The following AFDN variants were observed in gnomAD, a reference collection of about 807,000 sequenced individuals.
The protein encoded by AFDN is afadin.
A neutral mutation model predicts 216.6 loss-of-function variants in AFDN; 68 were observed. The observed-to-expected ratio is 0.31, with a 90% CI of 0.26 to 0.38. The LOEUF (loss-of-function observed/expected upper bound fraction) is 0.38, where lower values mean the gene tolerates loss of function less well. AFDN is among the 10% of genes least tolerant of loss of function. The probability of loss-of-function intolerance (pLI) is 1.00; values close to 1 mark genes in which losing one functional copy is unlikely to be tolerated. For missense variants in AFDN, 2,136 were observed against 2,342.0 expected (o/e 0.91, Z 1.82); for synonymous variants, 868 against 853.7 (o/e 1.02, Z -0.29).
chr6:167,842,515 T>G (rs1350779608), intron 1 of AFDN, among the ~76,000 whole-genome samples: 1 of 148,846 alleles, frequency 6.7e-6, no homozygotes, highest in Admixed American at 6.8e-5. Flanking sequence ...TGTATGCTTA[T>G]TTAGATATTT....
chr6:167,912,599 A>G (rs1392789181), intron 15 of AFDN, among the ~76,000 whole-genome samples: 1 of 152,214 alleles, frequency 6.6e-6, no homozygotes, highest in Non-Finnish European at 1.5e-5. Flanking sequence ...TCATTATTTT[A>G]TAAACAAACA....
At chr6:167,927,423 A>T (rs1053221000) in intron 23 of AFDN, among the ~76,000 whole-genome samples, 1 of 152,174 alleles carries the variant, frequency 6.6e-6, no homozygotes, top group African/African-American at 2.4e-5. Context: ...AAAACTCTTG[A>T]TTGACAGGTT....
chr6:167,909,164 T>C (rs1258999440), intron 13 of AFDN, among the ~76,000 whole-genome samples: 3 of 152,268 alleles, frequency 2.0e-5, no homozygotes, highest in Non-Finnish European at 4.4e-5. Flanking sequence ...ATTGATCATT[T>C]AAATTACATT....
At chr6:167,957,181 C>T (rs1796606311) in intron 30 of AFDN, among the ~76,000 whole-genome samples, 1 of 143,628 alleles carries the variant, frequency 7.0e-6, no homozygotes, top group South Asian at 2.3e-4. Context: ...CCCACCTGCC[C>T]CCACTGCTTC....
intron 29 of AFDN, among the ~76,000 whole-genome samples, chr6:167,950,982 C>T (rs538156345): frequency 2.0e-5 from 3 of 152,050 alleles, no homozygotes; most frequent in Non-Finnish European, 2.9e-5. Context: ...TAGGCGTGAG[C>T]CACCACGCTT....
chr6:167,956,342 T>A (rs568097451), intron 30 of AFDN, among the ~76,000 whole-genome samples: 4 of 152,046 alleles, frequency 2.6e-5, no homozygotes, highest in Non-Finnish European at 4.4e-5. Flanking sequence ...GAGGCAGGTC[T>A]TTTCCTGTTT....
rs762880594 is a variant in AFDN at position 167,969,849 on chromosome 6, C to CT, written c.5416dup (p.Ser1806PhefsTer9). The CT allele has an allele frequency of 3.7e-6, 6 of 1,613,202 alleles. No homozygotes were observed. The Admixed American group carries it at 5.0e-5, about 13-fold the overall frequency. On this transcript the variant is annotated frameshift_variant, in exon 34 of 34. Transcript: ENST00000683244. LOFTEE classifies it high-confidence loss of function. ...CTTGACATTCAAGGAACGCCAGCGTCTTTTTTCACAAGGTCAAGATGTATC... is the reference window on the plus strand; with the variant it reads ...CTTGACATTCAAGGAACGCCAGCGTCTTTTTTTCACAAGGTCAAGATGTATC...
chr6:167,907,175 C>A lies in AFDN; in HGVS notation c.1655C>A (p.Thr552Asn), dbSNP rs1264045378. The change falls in exon 13 of 34, where the codon ACC becomes AAC. Residue 552 changes from threonine (T) to asparagine (N), a missense_variant. This residue lies in a region of AFDN where 817 missense variants were observed against 965.7 expected (regional missense o/e 0.85). Transcript: ENST00000683244. ...TTGTGCTTTCTCTCCATGTAGAGCA[C>A]CACTAGGCTGGACAGCGACAGAGTG... is the stretch of plus-strand genomic sequence containing the variant. ...SGTALPTSKS[T>N]TRLDSDRVSS... The A allele has an allele frequency of 1.9e-6, 3 of 1,613,482 alleles. No individual in the cohort carries two copies. The Admixed American group carries it at 5.0e-5, about 27-fold the overall frequency.
In AFDN at chr6:167,833,061, T is replaced by G. The variant is rs139395197; in HGVS notation, c.105+5824T>G. 4.3e-3 allele frequency among the ~76,000 whole-genome samples: 651 copies of G among 152,338 alleles called. 3 individuals are homozygous for G. The highest frequency in any genetic ancestry group is 0.015 in the African/African-American group (621 of 41,586). ...GCACTGTTTTTTCAGTTTCTGCAGT[T>G]TCAAACTTCCTGAAGTTTATTAGTG... On this transcript the variant is annotated intron_variant, in intron 1 of 33. Transcript: ENST00000683244.
chr6:167,942,812 T>C lies in AFDN; in HGVS notation c.3100-317T>C, dbSNP rs147639626. ...ATGGTGAAATGTAAAAATACTGTAC[T>C]AGGTTGCTTTTTGTATTAAAATGAT... On this transcript the variant is annotated intron_variant, in intron 23 of 33. Transcript: ENST00000683244. Among the ~76,000 whole-genome samples the C allele has an allele frequency of 3.4e-4, 52 of 152,334 alleles. 1 individual carries two copies. In the East Asian group the frequency reaches 9.6e-3, roughly 28 times the overall value.
intron 7 of AFDN, among the ~76,000 whole-genome samples, chr6:167,890,296 CT>C (rs1583295987): frequency 6.6e-6 from 1 of 152,082 alleles, no homozygotes; most frequent in East Asian, 1.9e-4. Flanking sequence ...GGCAAATTGC[CT>C]AAATTCTTTA....
At chr6:167,953,013 C>CTA (rs571666023) in intron 30 of AFDN, among the ~76,000 whole-genome samples, 142 of 152,252 alleles carry the variant, frequency 9.3e-4, no homozygotes, top group African/African-American at 3.3e-3. Context: ...CTTTGTTACT[C>CTA]TATAAAGAGA....
intron 1 of AFDN, chr6:167,864,350 G>A: frequency 1.3e-6 from 1 of 754,798 alleles, no homozygotes; most frequent in East Asian, 2.5e-5. Flanking sequence ...CACAGGTGAG[G>A]CAAAGAGAAA....
intron 1 of AFDN, among the ~76,000 whole-genome samples, chr6:167,862,353 C>T (rs1470689949): frequency 6.6e-6 from 1 of 151,474 alleles, no homozygotes; most frequent in Non-Finnish European, 1.5e-5. Context: ...GAGCATGTTT[C>T]GCATGCATTT....
intron 8 of AFDN, 87 bp downstream of exon 8, chr6:167,891,116 T>C (rs1240663817): frequency 9.0e-7 from 1 of 1,105,412 alleles, no homozygotes; most frequent in Non-Finnish European, 1.2e-6. Context: ...CTTCAAGTAG[T>C]CTTCTGTTGG....
intron 4 of AFDN, among the ~76,000 whole-genome samples, chr6:167,874,456 A>G (rs887336461): frequency 3.3e-5 from 5 of 152,124 alleles, no homozygotes; most frequent in African/African-American, 1.2e-4. Context: ...TTTTCAGCTC[A>G]TCATTCTGTA....
chr6:167,835,579 C>A (rs1054793262), intron 1 of AFDN, among the ~76,000 whole-genome samples: 14 of 152,246 alleles, frequency 9.2e-5, no homozygotes, highest in African/African-American at 3.4e-4. Flanking sequence ...GTACCAAAGA[C>A]ATTCTTAAGT....
intron 13 of AFDN, among the ~76,000 whole-genome samples, chr6:167,908,405 G>A (rs924066338): frequency 1.2e-4 from 18 of 152,186 alleles, no homozygotes; most frequent in Admixed American, 1.2e-3. Flanking sequence ...TATTGGCTAT[G>A]TGAATCTTAT....
chr6:167,944,080 A>AACAGTGT, intron 26 of AFDN, 21 bp downstream of exon 26: 3 of 1,586,578 alleles, frequency 1.9e-6, no homozygotes. Flanking sequence ...GTAGGGAAAC[A>AACAGTGT]ACAGTGTTTT....
Sources: gnomAD v4.1 joint callset for allele counts (sites outside exome capture counted in the v4.1 genomes callset) on GRCh38, gnomAD v4.1.1 for gene constraint, gnomAD v4.1.1 regional missense constraint, MANE v1.5 for transcripts, NCBI Gene and HGNC (gene_info 2026-07-23, HGNC 2026-07-21) for gene names.